LOC128092252: variants seen among roughly 807,000 people sequenced by gnomAD.
At chr15:50,664,371 C>T in the LOC128092252 span, among the ~76,000 whole-genome samples, 1 of 150,232 alleles carries the variant, frequency 6.7e-6, no homozygotes, top group Non-Finnish European at 1.5e-5. Context: ...CATTCCATTT[C>T]TAATATAAAT....
the LOC128092252 span, among the ~76,000 whole-genome samples, chr15:50,677,738 C>CAAA: frequency 0.049 from 1,862 of 37,956 alleles, 152 homozygotes; most frequent in African/African-American, 0.16. Flanking sequence ...GACCCCGTAT[C>CAAA]AAAAAAAAAA....
chr15:50,655,623 C>T, the LOC128092252 span, among the ~76,000 whole-genome samples: 1 of 151,892 alleles, frequency 6.6e-6, no homozygotes, highest in Non-Finnish European at 1.5e-5. Flanking sequence ...AGACCCATTC[C>T]ACACAGGAAG....
the LOC128092252 span, among the ~76,000 whole-genome samples, chr15:50,664,835 C>T: frequency 6.6e-6 from 1 of 152,038 alleles, no homozygotes; most frequent in East Asian, 1.9e-4. Flanking sequence ...GTGGTGCACA[C>T]CTATAGTCAG....
chr15:50,652,265 G>T, the LOC128092252 span, among the ~76,000 whole-genome samples: 1 of 147,832 alleles, frequency 6.8e-6, no homozygotes, highest in South Asian at 2.2e-4. Context: ...CCTGGGAGGC[G>T]GAGATTGCAG....
chr15:50,664,524 C>G, the LOC128092252 span, among the ~76,000 whole-genome samples: 7 of 152,064 alleles, frequency 4.6e-5, no homozygotes. Context: ...AACGTTAAAT[C>G]TGCCAGATTG....
At chr15:50,670,810 GAAA>G in the LOC128092252 span, among the ~76,000 whole-genome samples, 15 of 113,524 alleles carry the variant, frequency 1.3e-4, no homozygotes, top group African/African-American at 4.7e-4. Flanking sequence ...AAAAGAAAAA[GAAA>G]AAAAAAAAAA....
At chr15:50,681,029 G>A in the LOC128092252 span, among the ~76,000 whole-genome samples, 1 of 152,124 alleles carries the variant, frequency 6.6e-6, no homozygotes, top group Non-Finnish European at 1.5e-5. Flanking sequence ...AAGGCGGGCA[G>A]ATCACGAGGT....
the LOC128092252 span, chr15:50,657,733 TTTTA>T: frequency 6.5e-7 from 1 of 1,540,728 alleles, no homozygotes; most frequent in Non-Finnish European, 8.9e-7. Context: ...AATAGATTAG[TTTTA>T]TTTATTTTCC....
chr15:50,684,627 G>A, the LOC128092252 span, among the ~76,000 whole-genome samples: 3 of 151,900 alleles, frequency 2.0e-5, no homozygotes, highest in Non-Finnish European at 4.4e-5. Context: ...GCAACAGAGC[G>A]AGACTCGGTC....
the LOC128092252 span, among the ~76,000 whole-genome samples, chr15:50,678,246 A>AAAAAAAAAC: frequency 7.0e-6 from 1 of 142,504 alleles, no homozygotes; most frequent in African/African-American, 2.6e-5. Context: ...TCTCAAAAAA[A>AAAAAAAAAC]AAAAACAAAA....
the LOC128092252 span, among the ~76,000 whole-genome samples, chr15:50,676,516 T>C: frequency 5.9e-5 from 9 of 151,894 alleles, no homozygotes; most frequent in Non-Finnish European, 1.2e-4. Flanking sequence ...GCCAGGAGTT[T>C]GAGACCAGCC....
At chr15:50,671,353 C>T in the LOC128092252 span, among the ~76,000 whole-genome samples, 6 of 152,098 alleles carry the variant, frequency 3.9e-5, no homozygotes, top group Non-Finnish European at 7.3e-5. Flanking sequence ...ACATAATGTC[C>T]TCCAGGCCCA....
At chr15:50,681,395 C>T in the LOC128092252 span, among the ~76,000 whole-genome samples, 4 of 152,080 alleles carry the variant, frequency 2.6e-5, no homozygotes, top group South Asian at 2.1e-4. Flanking sequence ...GAGTATCTTC[C>T]GGGTACTGGG....
the LOC128092252 span, among the ~76,000 whole-genome samples, chr15:50,680,845 C>A: frequency 5.3e-5 from 8 of 152,212 alleles, no homozygotes; most frequent in African/African-American, 1.7e-4. Flanking sequence ...TCAACACCTA[C>A]TCTACCACTT....
chr15:50,657,748 G>A, the LOC128092252 span: 32 of 1,595,026 alleles, frequency 2.0e-5, no homozygotes, highest in South Asian at 3.4e-5. Flanking sequence ...TTTATTTTCC[G>A]AAATTTGTGC....
At chr15:50,663,070 T>G in the LOC128092252 span, 5 of 1,573,912 alleles carry the variant, frequency 3.2e-6, no homozygotes, top group Non-Finnish European at 4.4e-6. Flanking sequence ...TTTTAAAGAA[T>G]TGTTTATAAG....
At chr15:50,657,152 C>A in the LOC128092252 span, among the ~76,000 whole-genome samples, 1 of 152,032 alleles carries the variant, frequency 6.6e-6, no homozygotes, top group African/African-American at 2.4e-5. Flanking sequence ...GGTGAAACCC[C>A]ATTTCTACTA....
chr15:50,670,815 A>AG, the LOC128092252 span, among the ~76,000 whole-genome samples: 1 of 151,728 alleles, frequency 6.6e-6, no homozygotes, highest in African/African-American at 2.4e-5. Flanking sequence ...AAAAAGAAAA[A>AG]AAAAAAAAAA....
the LOC128092252 span, among the ~76,000 whole-genome samples, chr15:50,679,529 TATA>T: frequency 2.5e-4 from 13 of 51,756 alleles, no homozygotes; most frequent in East Asian, 7.8e-4. Flanking sequence ...TATATATATA[TATA>T]TATATATTTT....
Sources: allele counts gnomAD v4.1 joint callset (sites outside exome capture counted in the v4.1 genomes callset), GRCh38; gene constraint gnomAD v4.1.1; transcripts MANE v1.5.